The following EDDM13 variants were observed in gnomAD, a reference collection of about 807,000 sequenced individuals.
EDDM13 encodes the protein epididymal protein 13.
In EDDM13, 24 loss-of-function variants were observed where a neutral mutation model predicts 17.8. The observed-to-expected ratio is 1.35, with a 90% CI of 0.98 to 1.90. EDDM13 has a LOEUF of 1.90. EDDM13 is among the 40% of genes most tolerant of loss of function. EDDM13 has a pLI of 0.00. For synonymous variants in EDDM13, 31 were observed against 37.5 expected (o/e 0.83, Z 0.63); for missense variants, 97 against 100.8 (o/e 0.96, Z 0.16).
intron 14 of EDDM13, among the ~76,000 whole-genome samples, chr19:56,305,760 G>C (rs2040647009): frequency 6.6e-6 from 1 of 152,178 alleles, no homozygotes; most frequent in Non-Finnish European, 1.5e-5. Flanking sequence ...TGATGAAAAA[G>C]AGAACTAAAG....
chr19:56,295,544 G>A (rs1196919716), intron 9 of EDDM13, among the ~76,000 whole-genome samples: 1 of 152,098 alleles, frequency 6.6e-6, no homozygotes, highest in African/African-American at 2.4e-5. Flanking sequence ...GCAGTGAGCC[G>A]AGATCGTCCC....
intron 1 of EDDM13, among the ~76,000 whole-genome samples, chr19:56,273,332 G>A (rs897129001): frequency 3.9e-5 from 6 of 152,160 alleles, no homozygotes; most frequent in East Asian, 1.9e-4. Flanking sequence ...CTTTTGCGAC[G>A]TAAAGACACC....
chr19:56,299,627 G>A lies in EDDM13; in HGVS notation c.295+2096G>A, dbSNP rs543845289. On this transcript the variant is annotated intron_variant, in intron 12 of 14. Transcript: ENST00000649256. ...GCAAAATTCCTTGATGTTCAAGTCC[G>A]TGATATAAATAGCATAATGCTTGCA... Among the ~76,000 whole-genome samples the A allele has an allele frequency of 5.9e-5, 9 of 152,260 alleles. No homozygotes were observed. The South Asian group carries it at 6.2e-4, about 11-fold the overall frequency.
At chr19:56,288,770 G>C (rs1358989590) in intron 7 of EDDM13, among the ~76,000 whole-genome samples, 104 bp from the exon 8 acceptor site, 6 of 152,194 alleles carry the variant, frequency 3.9e-5, no homozygotes, top group African/African-American at 1.4e-4. Context: ...TGACTGGTCA[G>C]GGATGCTTAG....
chr19:56,289,606 CTGTT>C (rs950201669), intron 8 of EDDM13, among the ~76,000 whole-genome samples: 3 of 151,962 alleles, frequency 2.0e-5, no homozygotes, highest in South Asian at 4.2e-4. Context: ...GTGTGGTGGT[CTGTT>C]TGTTTGTTTT....
chr19:56,284,486 G>A (rs893299102), intron 5 of EDDM13, among the ~76,000 whole-genome samples: 1 of 12,932 alleles, frequency 7.7e-5, no homozygotes, highest in Non-Finnish European at 9.0e-4. Flanking sequence ...ACAGAAATTA[G>A]ATTAGAGACA....
chr19:56,295,520 G>A (rs1187486711), intron 9 of EDDM13, among the ~76,000 whole-genome samples: 4 of 151,992 alleles, frequency 2.6e-5, no homozygotes, highest in African/African-American at 7.3e-5. Context: ...GCTTGAACCC[G>A]GGAGGCAGAA....
At chr19:56,292,074 C>T (rs996762737) in intron 9 of EDDM13, among the ~76,000 whole-genome samples, 2 of 152,092 alleles carry the variant, frequency 1.3e-5, no homozygotes, top group African/African-American at 2.4e-5. Flanking sequence ...GTTACGGATC[C>T]TGGGCTGCGT....
intron 2 of EDDM13, among the ~76,000 whole-genome samples, chr19:56,276,487 A>G (rs2038264738): frequency 6.7e-6 from 1 of 148,326 alleles, no homozygotes; most frequent in African/African-American, 2.5e-5. Context: ...GAAAAAAATT[A>G]TTAAGGATCT....
At chr19:56,274,017 G>A (rs559739342) in intron 1 of EDDM13, among the ~76,000 whole-genome samples, 2 of 152,072 alleles carry the variant, frequency 1.3e-5, no homozygotes, top group Non-Finnish European at 2.9e-5. Context: ...AGAAGGTTAC[G>A]AGGCACTGAG....
chr19:56,276,506 C>CTTT lies in EDDM13; in HGVS notation c.103+408_103+410dup, dbSNP rs3059506. On this transcript the variant is annotated intron_variant, in intron 2 of 14. Coordinates refer to ENST00000649256, the MANE Select transcript of EDDM13 (RefSeq NM_001354658.2). ...AAAATTATTAAGGATCTAAAGAGCT[C>CTTT]TTTTTTTTTTTTTCCAGTGAGGGTT... Among the ~76,000 whole-genome samples, 140 of 139,734 alleles carry CTTT rather than the reference C, an allele frequency of 1.0e-3. 2 individuals carry two copies. The highest frequency in any genetic ancestry group is 3.3e-3 in the African/African-American group (126 of 38,324). The allele number at this position is 139,734 out of a possible 152,430, so 91.7% of individuals were successfully genotyped here. A position where few individuals can be genotyped will look rare whatever the true frequency, so the allele number is the denominator to read the frequency against.
chr19:56,288,816 T>C (rs1265883706), intron 7 of EDDM13, among the ~76,000 whole-genome samples, 58 bp from the exon 8 acceptor site: 1 of 152,188 alleles, frequency 6.6e-6, no homozygotes, highest in Non-Finnish European at 1.5e-5. Context: ...TAATGTTGAT[T>C]TCTCTCTCTA....
At chr19:56,281,605 G>A (rs1184828456) in intron 2 of EDDM13, 88 bp from the exon 3 acceptor site, 4 of 677,508 alleles carry the variant, frequency 5.9e-6, no homozygotes, top group African/African-American at 5.9e-5. Context: ...AAAATTAACA[G>A]AGATGGATGA....
chr19:56,307,259 G>A (rs946855693), intron 14 of EDDM13, among the ~76,000 whole-genome samples: 9 of 152,108 alleles, frequency 5.9e-5, no homozygotes, highest in African/African-American at 1.9e-4. Context: ...CATCCCCAGT[G>A]CCCTTTTTAC....
intron 2 of EDDM13, among the ~76,000 whole-genome samples, chr19:56,281,474 G>A (rs983488185): frequency 6.6e-6 from 1 of 152,170 alleles, no homozygotes; most frequent in African/African-American, 2.4e-5. Context: ...TGCTATCGCT[G>A]TATTGATCTT....
intron 8 of EDDM13, among the ~76,000 whole-genome samples, chr19:56,290,263 T>A (rs113504817): frequency 6.6e-5 from 10 of 152,216 alleles, no homozygotes; most frequent in African/African-American, 2.2e-4. Context: ...AAAGGCCCAC[T>A]GCTTGTTTTT....
At chr19:56,302,191 A>C in intron 13 of EDDM13, 96 bp downstream of exon 13, 1 of 895,982 alleles carries the variant, frequency 1.1e-6, no homozygotes, top group Non-Finnish European at 1.5e-6. Context: ...GGTGCCTCAG[A>C]GGTGCCAAGC....
intron 13 of EDDM13, among the ~76,000 whole-genome samples, chr19:56,304,404 C>T (rs368500959): frequency 2.6e-5 from 4 of 152,326 alleles, no homozygotes; most frequent in African/African-American, 9.6e-5. Flanking sequence ...GTTGTGACAG[C>T]TGGAGGAGGG....
chr19:56,286,929 C>G (rs953108210), intron 6 of EDDM13, among the ~76,000 whole-genome samples: 4 of 152,252 alleles, frequency 2.6e-5, no homozygotes, highest in Non-Finnish European at 4.4e-5. Flanking sequence ...ACACACCACC[C>G]AGGACAAGTC....
Sources: gnomAD v4.1 joint callset for allele counts (sites outside exome capture counted in the v4.1 genomes callset) on GRCh38, gnomAD v4.1.1 for gene constraint, MANE v1.5 for transcripts, NCBI Gene and HGNC (gene_info 2026-07-23, HGNC 2026-07-21) for gene names.